Variants in FKBP8 observed in about 807,000 individuals in gnomAD.
FKBP8 encodes peptidyl-prolyl cis-trans isomerase FKBP8.
FKBP8 carries 5 observed loss-of-function variants against 41.7 expected under a neutral mutation model. That is an observed-to-expected ratio of 0.12 (90% CI 0.06 to 0.25). The LOEUF (loss-of-function observed/expected upper bound fraction) is 0.25, where lower values mean the gene tolerates loss of function less well. Ranked by LOEUF, FKBP8 falls within the 10% of genes least tolerant of loss-of-function variation. The probability of loss-of-function intolerance (pLI) is 1.00; values close to 1 mark genes in which losing one functional copy is unlikely to be tolerated. For missense variants in FKBP8, 397 were observed against 563.0 expected, an observed-to-expected ratio of 0.71 and a Z score of 2.98; for synonymous variants, 279 against 254.5, an observed-to-expected ratio of 1.10 and a Z score of -0.92.
chr19:18,539,325 TC>T, intron 4 of FKBP8, 45 bp downstream of exon 4: 1 of 1,523,970 alleles, frequency 6.6e-7, no homozygotes, highest in Non-Finnish European at 9.0e-7. Context: ...ACTCCACCCA[TC>T]CCCCTCCTGA....
rs1255663317 is a variant in FKBP8 at position 18,539,658 on chromosome 19, T to C, written c.355A>G (p.Lys119Glu). Residue 119 changes from lysine (K) to glutamate (E), a missense_variant, in exon 3 of 9, where the codon AAG becomes GAG. This residue lies in a region of FKBP8 where 172 missense variants were observed against 196.2 expected (regional missense o/e 0.88). Coordinates refer to ENST00000608443, the MANE Select transcript of FKBP8 (RefSeq NM_012181.5). ...AGATGTACGGTGACCACCTGGCCCT[T>C]GACCGGGCGGCTCGAACCTGGCGGC... ...PGPPGSSRPV[K>E]GQVVTVHLQT... The C allele has an allele frequency of 2.5e-6, 4 of 1,611,926 alleles. No individual in the cohort carries two copies. The highest frequency in any genetic ancestry group is 3.3e-5 in the Admixed American group (2 of 60,006).
At chr19:18,533,647 T>C (rs1278343029) in intron 6 of FKBP8, among the ~76,000 whole-genome samples, 1 of 148,508 alleles carries the variant, frequency 6.7e-6, no homozygotes, top group East Asian at 2.0e-4. Context: ...GAAGTTGCAG[T>C]GAGCCGAGAT....
intron 1 of FKBP8, 22 bp from the exon 2 acceptor site, chr19:18,542,017 G>A (rs1285101741): frequency 1.3e-6 from 2 of 1,596,102 alleles, no homozygotes; most frequent in Non-Finnish European, 8.5e-7. Context: ...GGGCAGAGAT[G>A]TGGGTCAGAA....
Position 18,542,076 on chromosome 19 carries a change from C to G in FKBP8, c.-25-81G>C, listed in dbSNP as rs1199877232. 5 of 1,492,142 alleles carry G rather than the reference C, an allele frequency of 3.4e-6. No individual in the cohort carries two copies. The South Asian group carries it at 5.4e-5, about 16-fold the overall frequency. 92.4% of individuals were successfully genotyped at this position (1,492,142 alleles called of 1,614,324 possible). A position where few individuals can be genotyped will look rare whatever the true frequency, so the allele number is the denominator to read the frequency against. ...CCACTGTACTGATTCCCCACACTGC[C>G]GATCACTTTCTGTGTAACTCAAGGG... On this transcript the variant is annotated intron_variant, in intron 1 of 8. Transcript: ENST00000608443.
chr19:18,542,133 G>GTATA, intron 1 of FKBP8, 138 bp from the exon 2 acceptor site: 1 of 1,303,788 alleles, frequency 7.7e-7, no homozygotes, highest in Non-Finnish European at 1.0e-6. Flanking sequence ...TCTATACAGT[G>GTATA]GGTGTAACAA....
intron 6 of FKBP8, among the ~76,000 whole-genome samples, chr19:18,535,211 C>T (rs949403822): frequency 2.6e-5 from 4 of 152,178 alleles, no homozygotes; most frequent in Non-Finnish European, 5.9e-5. Flanking sequence ...TGAGCCACCA[C>T]GCCCAGCCCT....
Position 18,538,257 on chromosome 19 carries a change from G to C in FKBP8, c.731C>G (p.Ser244Cys). ...GATAGCCTTGATGGCGAGGTCGTAGGAGTTGGCGGCCAGGACGAAGTCCGC... is the reference window on the plus strand; with the variant it reads ...GATAGCCTTGATGGCGAGGTCGTAGCAGTTGGCGGCCAGGACGAAGTCCGC... ...QRADFVLAANSYDLAIKAITS... is the reference protein window; with the variant it reads ...QRADFVLAANCYDLAIKAITS... Residue 244 changes from serine (S) to cysteine (C), a missense_variant, in exon 5 of 9, where the codon TCC (serine) becomes TGC (cysteine). Around this residue, in one of 2 missense-constraint regions of FKBP8, gnomAD observed 225 missense variants for 366.8 expected, o/e 0.61. Transcript: ENST00000608443. This position sits in a 1 kb window ranked among gnomAD's most constrained non-coding sequence, Gnocchi z 4.0. The C allele has an allele frequency of 6.2e-7, 1 of 1,613,190 alleles. No homozygotes were observed. The highest frequency in any genetic ancestry group is 8.5e-7 in the Non-Finnish European group (1 of 1,179,512).
intron 8 of FKBP8, 59 bp from the exon 9 acceptor site, chr19:18,532,314 C>T: frequency 6.9e-7 from 1 of 1,453,454 alleles, no homozygotes; most frequent in African/African-American, 1.4e-5. Flanking sequence ...GCCTCTGGGG[C>T]CTCAGCTGCC....
chr19:18,534,772 TA>T (rs1276996229), intron 6 of FKBP8, among the ~76,000 whole-genome samples: 5 of 151,076 alleles, frequency 3.3e-5, no homozygotes, highest in Non-Finnish European at 7.4e-5. Flanking sequence ...TATTTATTTA[TA>T]AAATTATTAT....
chr19:18,537,771 C>T lies in FKBP8; in HGVS notation c.775G>A (p.Asp259Asn), dbSNP rs765926771. ...TGTGCCTCCTCCTCGAACGTCATGT[C>T]CACTATTGGGAGACAGTGCCCGCCA... ...IKAITSSAKV[D>N]MTFEEEAQLL... Residue 259 changes from aspartate to asparagine, a missense_variant and splice_region_variant, in exon 6 of 9, where the codon GAC becomes AAC. Asp to Asn is a conservative substitution (Grantham distance 23). Transcript: ENST00000608443. This position sits in a 1 kb window ranked among gnomAD's most constrained non-coding sequence, Gnocchi z 4.4. 1.2e-6 allele frequency: 2 copies of T among 1,609,530 alleles called. No homozygotes were observed. The highest frequency in any genetic ancestry group is 2.2e-5 in the South Asian group (2 of 90,432).
Position 18,533,965 on chromosome 19 carries a change from T to C in FKBP8, c.946-618A>G, listed in dbSNP as rs1474931628. Among the ~76,000 whole-genome samples the C allele has an allele frequency of 1.1e-3, 118 of 107,110 alleles. No individual in the cohort carries two copies. In the Middle Eastern group the frequency reaches 0.033, roughly 30 times the overall value. 70.3% of individuals were successfully genotyped at this position (107,110 alleles called of 152,430 possible). On this transcript the variant is annotated intron_variant, in intron 6 of 8. Transcript: ENST00000608443. The stretch of plus-strand genomic sequence containing the variant: ...CGGAGCTTGCAGTGAGCCGAGATCG[T>C]GCCACTGCACTCCAGCCTGGGCGAC...
At position 18,531,805 on chromosome 19, in the gene FKBP8, C is replaced by A; in HGVS notation, c.*364G>T. 5.1e-6 allele frequency: 1 copy of A among 195,916 alleles called. No individual in the cohort carries two copies. Among genetic ancestry groups the A allele is most frequent in the Non-Finnish European group, 9.2e-6 (1 of 108,226 alleles). The allele number at this position is 195,916 out of a possible 1,614,324, so 12.1% of individuals were successfully genotyped here. On this transcript the variant is annotated 3_prime_UTR_variant, in exon 9 of 9. Transcript: ENST00000608443. ...TATTTCACTGTGGCGGGGAGGGAAC[C>A]TGGACAGGGGGCGGCAGGCGGGGTG...
At chr19:18,542,505 C>T in intron 1 of FKBP8, 1 of 180,618 alleles carries the variant, frequency 5.5e-6, no homozygotes, top group South Asian at 8.8e-5. Flanking sequence ...GAAATTGAAT[C>T]TTTTACCAGG....
chr19:18,532,156 G>T lies in FKBP8; in HGVS notation c.*13C>A. ...TCCATGGTGTGCAGAGGGGGTGGCA[G>T]CCACCTAGGTGGTCAGTTCCTGGCA... is the stretch of plus-strand genomic sequence containing the variant. On this transcript the variant is annotated 3_prime_UTR_variant, in exon 9 of 9. Coordinates refer to ENST00000608443, the MANE Select transcript of FKBP8 (RefSeq NM_012181.5). 6.3e-7 allele frequency: 1 copy of T among 1,581,934 alleles called. No individual in the cohort carries two copies. Among genetic ancestry groups the T allele is most frequent in the Non-Finnish European group, 8.6e-7 (1 of 1,164,670 alleles).
intron 6 of FKBP8, among the ~76,000 whole-genome samples, chr19:18,535,366 G>A (rs889743339): frequency 1.3e-5 from 2 of 152,112 alleles, no homozygotes; most frequent in Non-Finnish European, 2.9e-5. Context: ...TGGCCCTGAT[G>A]TTTCCAAAGC....
rs766551780 is a variant in FKBP8, at chr19:18,538,331, C to A, written c.657G>T (p.Val219=). 3.1e-6 allele frequency: 5 copies of A among 1,613,556 alleles called. No individual in the cohort carries two copies. The highest frequency in any genetic ancestry group is 4.2e-6 in the Non-Finnish European group (5 of 1,179,928). Residue 219 remains valine (V), a synonymous_variant, in exon 5 of 9, where the codon GTG becomes GTT. Coordinates refer to ENST00000608443, the MANE Select transcript of FKBP8 (RefSeq NM_012181.5). This position sits in a 1 kb window ranked among gnomAD's most constrained non-coding sequence, Gnocchi z 4.0. ...DLEMLTGQER[V]ALANRKRECG... ...ACTCCCGCTTCCGGTTGGCCAGGGCCACGCGCTCCTGCCCCGTGAGCATCT... is the reference window on the plus strand; with the variant it reads ...ACTCCCGCTTCCGGTTGGCCAGGGCAACGCGCTCCTGCCCCGTGAGCATCT...
chr19:18,533,415 C>A, intron 6 of FKBP8, 68 bp from the exon 7 acceptor site: 1 of 1,310,006 alleles, frequency 7.6e-7, no homozygotes, highest in South Asian at 1.5e-5. Flanking sequence ...AAATCCAGCC[C>A]AGGAGGTTGC....
chr19:18,535,736 A>T (rs907511675), intron 6 of FKBP8, among the ~76,000 whole-genome samples: 3 of 151,020 alleles, frequency 2.0e-5, no homozygotes, highest in African/African-American at 7.3e-5. Flanking sequence ...AAAAAAAAAA[A>T]AAAGGAGGGG....
intron 4 of FKBP8, 135 bp downstream of exon 4, chr19:18,539,236 G>A: frequency 1.3e-6 from 1 of 783,788 alleles, no homozygotes; most frequent in Admixed American, 2.4e-5. Context: ...TGGGATTTCA[G>A]GTGTGAGCCA....
Sources: allele counts gnomAD v4.1 joint callset (sites outside exome capture counted in the v4.1 genomes callset), GRCh38; gene constraint gnomAD v4.1.1; regional missense constraint gnomAD v4.1.1; non-coding constraint Gnocchi (gnomAD v3.1); transcripts MANE v1.5; gene names NCBI Gene and HGNC (gene_info 2026-07-23, HGNC 2026-07-21).